Variants in IGF1R observed in about 807,000 individuals in gnomAD.
The protein encoded by IGF1R is insulin-like growth factor 1 receptor.
Under a neutral mutation model 144.6 loss-of-function variants are expected in IGF1R, and 44 were observed. The observed-to-expected ratio is 0.30, with a 90% confidence interval of 0.24 to 0.39. IGF1R has a LOEUF of 0.39. Among genes scored for constraint, IGF1R ranks in the 10% least tolerant of loss-of-function variants. IGF1R has a pLI of 1.00. For synonymous variants in IGF1R, 795 were observed against 722.8 expected, an observed-to-expected ratio of 1.10 and a Z score of -1.60; for missense variants, 1,355 against 1,833.7, an observed-to-expected ratio of 0.74 and a Z score of 4.77.
chr15:98,771,906 ATT>A (rs542931454), intron 2 of IGF1R, among the ~76,000 whole-genome samples: 12 of 144,654 alleles, frequency 8.3e-5, no homozygotes, highest in Admixed American at 2.1e-4. Context: ...CTCCACTGAC[ATT>A]TTTTTTTTTT....
chr15:98,788,050 CT>C (rs2056040006), intron 2 of IGF1R, among the ~76,000 whole-genome samples: 1 of 138,268 alleles, frequency 7.2e-6, no homozygotes, highest in Non-Finnish European at 1.5e-5. Flanking sequence ...CTCTCTCTCT[CT>C]CTCTCTCTCT....
At chr15:98,826,552 A>G (rs1567148522) in intron 2 of IGF1R, among the ~76,000 whole-genome samples, 1 of 152,258 alleles carries the variant, frequency 6.6e-6, no homozygotes, top group Non-Finnish European at 1.5e-5. Flanking sequence ...AGAGGAAGAC[A>G]TATTTAGGCT....
At chr15:98,768,265 G>A (rs956094401) in intron 2 of IGF1R, among the ~76,000 whole-genome samples, 8 of 152,026 alleles carry the variant, frequency 5.3e-5, no homozygotes, top group African/African-American at 1.7e-4. Flanking sequence ...GAAAGTATTC[G>A]TTGGATGCCC....
intron 19 of IGF1R, 50 bp downstream of exon 19, chr15:98,943,102 C>T: frequency 1.2e-6 from 2 of 1,606,350 alleles, no homozygotes; most frequent in South Asian, 1.1e-5. Context: ...AGCCTCTGCA[C>T]TTTCCACCAG....
At chr15:98,673,491 TG>T (rs1191534032) in intron 1 of IGF1R, among the ~76,000 whole-genome samples, 1 of 152,204 alleles carries the variant, frequency 6.6e-6, no homozygotes, top group Non-Finnish European at 1.5e-5. Flanking sequence ...CTCAAATCCC[TG>T]GGCAGTGACT....
At position 98,649,708 on chromosome 15, in the gene IGF1R, G is replaced by A. The variant is rs775751548; in HGVS notation, c.94+33G>A. On this transcript the variant is annotated intron_variant, in intron 1 of 20. Coordinates refer to ENST00000650285, the MANE Select transcript of IGF1R (RefSeq NM_000875.5). ...TGTGCCCGCCGCCCGCGGCCACTGC[G>A]GGAACTTTTCCTCCGAGGGGCTGCG... 36 of 1,529,548 alleles carry A rather than the reference G, an allele frequency of 2.4e-5. 1 individual carries two copies. The South Asian group carries it at 3.7e-4, about 16-fold the overall frequency. The allele number at this position is 1,529,548 out of a possible 1,614,324, so 94.7% of individuals were successfully genotyped here. A position where few individuals can be genotyped will look rare whatever the true frequency, so the allele number is the denominator to read the frequency against.
chr15:98,714,163 G>T (rs1397365327), intron 2 of IGF1R, among the ~76,000 whole-genome samples: 2 of 147,370 alleles, frequency 1.4e-5, no homozygotes, highest in Non-Finnish European at 2.9e-5. Flanking sequence ...TAAAATGAAG[G>T]CAGGTTGTAG....
At chr15:98,789,498 C>G (rs1200529815) in intron 2 of IGF1R, among the ~76,000 whole-genome samples, 1 of 152,206 alleles carries the variant, frequency 6.6e-6, no homozygotes, top group Non-Finnish European at 1.5e-5. Context: ...CTCCCTGCCC[C>G]TGACGCCGAG....
At chr15:98,860,342 A>G (rs1169452201) in intron 2 of IGF1R, among the ~76,000 whole-genome samples, 1 of 152,222 alleles carries the variant, frequency 6.6e-6, no homozygotes, top group African/African-American at 2.4e-5. Context: ...TGAGTATCTC[A>G]GCTTCTTAGT....
intron 2 of IGF1R, among the ~76,000 whole-genome samples, chr15:98,762,927 T>A (rs1006988472): frequency 6.6e-6 from 1 of 151,516 alleles, no homozygotes; most frequent in Non-Finnish European, 1.5e-5. Context: ...GTGCCTGTAG[T>A]CCCAGCTACT....
intron 15 of IGF1R, among the ~76,000 whole-genome samples, chr15:98,933,659 A>C (rs1249117611): frequency 6.6e-6 from 1 of 152,244 alleles, no homozygotes; most frequent in African/African-American, 2.4e-5. Flanking sequence ...GAATCTAAAC[A>C]GAAACAGAAA....
chr15:98,958,381 C>T lies in IGF1R; in HGVS notation c.*939C>T, dbSNP rs987964010. 8.9e-6 allele frequency: 2 copies of T among 224,488 alleles called. No homozygotes were observed. Among genetic ancestry groups the T allele is most frequent in the Non-Finnish European group, 8.9e-6 (1 of 112,406 alleles). 13.9% of individuals were successfully genotyped at this position (224,488 alleles called of 1,614,324 possible). The stretch of plus-strand genomic sequence containing the variant: ...GCGGACAGGCTTGGAGTCAAGGGGC[C>T]CCATGCCTGCTTCTCTCCCAGCCCC... On this transcript the variant is annotated 3_prime_UTR_variant, in exon 21 of 21. Transcript: ENST00000650285.
At position 98,922,135 on chromosome 15, in the gene IGF1R, C is replaced by G. The variant is rs145958156; in HGVS notation, c.2202-13C>G. The G allele has an allele frequency of 6.2e-7, 1 of 1,614,074 alleles. No individual in the cohort carries two copies. The highest frequency in any genetic ancestry group is 1.3e-5 in the African/African-American group (1 of 74,986). On this transcript the variant is annotated splice_polypyrimidine_tract_variant and intron_variant, in intron 10 of 20. Coordinates refer to ENST00000650285, the MANE Select transcript of IGF1R (RefSeq NM_000875.5). ...AAAAGTACTTAAAAGCCACATTTCT[C>G]TCCTCCTTGCAGACCTGAAAGGAAG...
At chr15:98,795,442 TCTCA>T in intron 2 of IGF1R, among the ~76,000 whole-genome samples, 1 of 152,114 alleles carries the variant, frequency 6.6e-6, no homozygotes, top group East Asian at 1.9e-4. Flanking sequence ...TGAGATGGAG[TCTCA>T]CTCTGTTGCC....
chr15:98,861,235 A>G lies in IGF1R; in HGVS notation c.641-30090A>G, dbSNP rs191015019. Among the ~76,000 whole-genome samples the G allele has an allele frequency of 7.1e-3, 1,077 of 152,354 alleles. 54 individuals carry two copies. Among genetic ancestry groups the G allele is most frequent in the Admixed American group, 0.065 (989 of 15,304 alleles). ...CTATATACAAGACCTTGGCACACCT[A>G]GTTCAATGACATAGTATTTTAGAAG... On this transcript the variant is annotated intron_variant, in intron 2 of 20. Transcript: ENST00000650285.
At chr15:98,787,585 C>G (rs1035619852) in intron 2 of IGF1R, among the ~76,000 whole-genome samples, 1 of 152,118 alleles carries the variant, frequency 6.6e-6, no homozygotes, top group African/African-American at 2.4e-5. Flanking sequence ...AGACCTCTCA[C>G]CCTAGGTCTC....
chr15:98,848,856 T>A (rs556659377), intron 2 of IGF1R, among the ~76,000 whole-genome samples: 1 of 152,328 alleles, frequency 6.6e-6, no homozygotes, highest in South Asian at 2.1e-4. Flanking sequence ...CTGAAGATTC[T>A]ACATCCAATT....
At chr15:98,866,491 T>C (rs2012455302) in intron 2 of IGF1R, among the ~76,000 whole-genome samples, 1 of 152,234 alleles carries the variant, frequency 6.6e-6, no homozygotes, top group South Asian at 2.1e-4. Context: ...ATCTTAAAAA[T>C]CAGAAACAGA....
chr15:98,941,483 A>C (rs1455451088), intron 18 of IGF1R, among the ~76,000 whole-genome samples: 1 of 152,240 alleles, frequency 6.6e-6, no homozygotes, highest in Non-Finnish European at 1.5e-5. Context: ...TGGAATTTCA[A>C]GTTTTTCATT....
Sources: allele counts gnomAD v4.1 joint callset (sites outside exome capture counted in the v4.1 genomes callset), GRCh38; gene constraint gnomAD v4.1.1; transcripts MANE v1.5; gene names NCBI Gene and HGNC (gene_info 2026-07-23, HGNC 2026-07-21).